The following KCNH8 variants were observed in gnomAD, a reference collection of about 807,000 sequenced individuals.
KCNH8 encodes voltage-gated delayed rectifier potassium channel KCNH8.
A neutral mutation model predicts 103.6 loss-of-function variants in KCNH8; 70 were observed. The observed-to-expected ratio is 0.68, with a 90% confidence interval of 0.56 to 0.82. KCNH8 has a LOEUF of 0.82. Among genes scored for constraint, KCNH8 ranks in the 40% least tolerant of loss-of-function variants. The pLI is 0.00. For missense variants in KCNH8, 1,217 were observed against 1,329.9 expected (o/e 0.92, Z 1.32); for synonymous variants, 498 against 489.4 (o/e 1.02, Z -0.23).
chr3:19,488,430 C>T (rs2068255481), intron 11 of KCNH8, among the ~76,000 whole-genome samples: 1 of 152,148 alleles, frequency 6.6e-6, no homozygotes, highest in African/African-American at 2.4e-5. Context: ...GTATTCATAC[C>T]CACAAACCCT....
intron 7 of KCNH8, among the ~76,000 whole-genome samples, chr3:19,430,064 C>T (rs1010397996): frequency 6.6e-6 from 1 of 152,166 alleles, no homozygotes; most frequent in Non-Finnish European, 1.5e-5. Context: ...TACTTATATT[C>T]CTCTGGGTAT....
intron 5 of KCNH8, among the ~76,000 whole-genome samples, chr3:19,376,180 G>T (rs28456201): frequency 6.6e-6 from 1 of 152,260 alleles, no homozygotes; most frequent in Admixed American, 6.5e-5. Context: ...GGGCAATGGC[G>T]GGCGCCCCTC....
chr3:19,232,595 G>T (rs2064009010), intron 1 of KCNH8, among the ~76,000 whole-genome samples: 1 of 152,182 alleles, frequency 6.6e-6, no homozygotes, highest in Non-Finnish European at 1.5e-5. Flanking sequence ...TTAGGAAAAA[G>T]AATCTCCTTG....
chr3:19,358,666 A>G (rs1157087389), intron 5 of KCNH8, among the ~76,000 whole-genome samples: 3 of 152,008 alleles, frequency 2.0e-5, no homozygotes, highest in Non-Finnish European at 2.9e-5. Flanking sequence ...CTGAAAATAT[A>G]TTAAGGTGTT....
chr3:19,185,896 T>A (rs1186759606), intron 1 of KCNH8, among the ~76,000 whole-genome samples: 2 of 152,116 alleles, frequency 1.3e-5, no homozygotes, highest in African/African-American at 4.8e-5. Flanking sequence ...ATTTGCATTC[T>A]GAGTGGTAAA....
chr3:19,287,677 C>G (rs1330729694), intron 3 of KCNH8, among the ~76,000 whole-genome samples: 1 of 152,138 alleles, frequency 6.6e-6, no homozygotes, highest in South Asian at 2.1e-4. Flanking sequence ...CCTCCACCTC[C>G]CGGGTTCAAG....
intron 9 of KCNH8, chr3:19,450,853 T>G (rs1261702795): frequency 2.9e-6 from 1 of 342,422 alleles, no homozygotes; most frequent in Non-Finnish European, 5.4e-6. Context: ...ATTCCATATC[T>G]TCTGTCCTGA....
intron 5 of KCNH8, among the ~76,000 whole-genome samples, chr3:19,372,113 A>G (rs2066107597): frequency 2.6e-5 from 4 of 152,078 alleles, no homozygotes. Context: ...TTGGTTCCAT[A>G]TGAACTTTAA....
chr3:19,199,424 T>C (rs533393462), intron 1 of KCNH8, among the ~76,000 whole-genome samples: 36 of 151,980 alleles, frequency 2.4e-4, no homozygotes, highest in Non-Finnish European at 4.0e-4. Flanking sequence ...CCTCAATTTG[T>C]AAATATGTAT....
At chr3:19,157,099 G>A (rs931364771) in intron 1 of KCNH8, among the ~76,000 whole-genome samples, 5 of 151,696 alleles carry the variant, frequency 3.3e-5, no homozygotes, top group Admixed American at 3.3e-4. Context: ...AGAGACCAGA[G>A]CACTTACCAG....
At chr3:19,203,216 A>G (rs1409862856) in intron 1 of KCNH8, among the ~76,000 whole-genome samples, 1 of 152,146 alleles carries the variant, frequency 6.6e-6, no homozygotes, top group Non-Finnish European at 1.5e-5. Flanking sequence ...ACTTGAAAAT[A>G]TCTTGAGAAA....
chr3:19,151,589 TCCTC>T (rs1203720938), intron 1 of KCNH8, among the ~76,000 whole-genome samples: 1 of 151,842 alleles, frequency 6.6e-6, no homozygotes, highest in African/African-American at 2.4e-5. Flanking sequence ...CATCTGAAAA[TCCTC>T]CCAGGAAAAA....
intron 12 of KCNH8, among the ~76,000 whole-genome samples, chr3:19,512,529 C>T (rs1189233390): frequency 6.6e-6 from 1 of 152,142 alleles, no homozygotes; most frequent in South Asian, 2.1e-4. Context: ...GGTTAATCTC[C>T]ATGTAAAGTT....
chr3:19,312,229 A>G (rs752356573), intron 3 of KCNH8, among the ~76,000 whole-genome samples: 1 of 151,960 alleles, frequency 6.6e-6, no homozygotes, highest in Non-Finnish European at 1.5e-5. Context: ...TGGGCCAATC[A>G]ATGGCATAAG....
chr3:19,415,491 G>C (rs2066849869), intron 7 of KCNH8, among the ~76,000 whole-genome samples: 1 of 147,228 alleles, frequency 6.8e-6, no homozygotes, highest in African/African-American at 2.5e-5. Flanking sequence ...ACAATCAGCT[G>C]TTGATTTATT....
intron 7 of KCNH8, among the ~76,000 whole-genome samples, chr3:19,405,634 A>C (rs1308063719): frequency 1.3e-5 from 2 of 151,970 alleles, no homozygotes; most frequent in African/African-American, 4.8e-5. Context: ...GATATACCAC[A>C]GAACTTTATA....
chr3:19,366,170 A>AT (rs2066008520), intron 5 of KCNH8, among the ~76,000 whole-genome samples: 1 of 151,972 alleles, frequency 6.6e-6, no homozygotes, highest in Non-Finnish European at 1.5e-5. Context: ...TGCTTTCTGA[A>AT]TTTTTTATAC....
intron 5 of KCNH8, among the ~76,000 whole-genome samples, chr3:19,352,348 T>C (rs910660115): frequency 6.6e-6 from 1 of 151,952 alleles, no homozygotes; most frequent in African/African-American, 2.4e-5. Context: ...AACAAGGATA[T>C]CCAGGAATTG....
intron 5 of KCNH8, among the ~76,000 whole-genome samples, chr3:19,353,500 C>T (rs150283350): frequency 3.3e-5 from 5 of 152,214 alleles, no homozygotes; most frequent in African/African-American, 9.6e-5. Flanking sequence ...TACTGGCAAA[C>T]CAAATCCAGC....
Sources: allele counts gnomAD v4.1 joint callset (sites outside exome capture counted in the v4.1 genomes callset), GRCh38; gene constraint gnomAD v4.1.1; transcripts MANE v1.5; gene names NCBI Gene and HGNC (gene_info 2026-07-23, HGNC 2026-07-21).